AP1B1: variants seen among roughly 807,000 people sequenced by gnomAD.
The protein encoded by AP1B1 is AP-1 complex subunit beta-1.
A neutral mutation model predicts 104.3 loss-of-function variants in AP1B1; 36 were observed. The ratio of observed to expected loss-of-function variants is 0.35; its 90% CI spans 0.26 to 0.46. AP1B1 has a LOEUF of 0.46. Ranked by LOEUF, AP1B1 falls within the 20% of genes least tolerant of loss-of-function variation. The pLI is 1.00. For synonymous variants in AP1B1, 504 were observed against 517.5 expected (o/e 0.97, Z 0.35); for missense variants, 901 against 1,247.9 (o/e 0.72, Z 4.19).
chr22:29,367,542 C>A (rs2062164109), intron 1 of AP1B1, among the ~76,000 whole-genome samples: 1 of 150,928 alleles, frequency 6.6e-6, no homozygotes, highest in African/African-American at 2.5e-5. Flanking sequence ...TCAGCCAATC[C>A]TCCTGCCTCG....
rs772647244 is a variant in AP1B1, at chr22:29,356,528, T to C, written c.614A>G (p.Asn205Ser). 4.3e-6 allele frequency: 7 copies of C among 1,614,144 alleles called. No homozygotes were observed. In the South Asian group the frequency reaches 6.6e-5, roughly 15 times the overall value. ...NLLDLNPQSI[N>S]KLLTALNECT... ...CTCATTGAGGGCTGTCAGCAGCTTG[T>C]TGATGGACTGTGGGTTCAGATCGAG... The change falls in exon 6 of 23, where the codon AAC (asparagine) becomes AGC (serine). Residue 205 changes from asparagine to serine, a missense_variant. Physicochemically the swap from Asn to Ser is conservative, Grantham distance 46 (BLOSUM62 1). Around this residue, in one of 3 missense-constraint regions of AP1B1, gnomAD observed 471 missense variants for 696.7 expected, o/e 0.68. Coordinates refer to ENST00000357586, the MANE Select transcript of AP1B1 (RefSeq NM_001127.4).
intron 19 of AP1B1, 142 bp downstream of exon 19, chr22:29,331,307 G>C: frequency 1.2e-6 from 1 of 852,144 alleles, no homozygotes; most frequent in Non-Finnish European, 2.0e-6. Context: ...CCTCACTCCA[G>C]GCCCTGCAGG....
At chr22:29,337,092 G>C (rs1266064091) in intron 16 of AP1B1, among the ~76,000 whole-genome samples, 2 of 152,202 alleles carry the variant, frequency 1.3e-5, no homozygotes, top group African/African-American at 4.8e-5. Context: ...CCGTGGCCCT[G>C]CTGGCCCTGA....
rs566942536 is a variant in AP1B1 at position 29,334,140 on chromosome 22, A to T, written c.2309+125T>A. On this transcript the variant is annotated intron_variant, in intron 17 of 22. Coordinates refer to ENST00000357586, the MANE Select transcript of AP1B1 (RefSeq NM_001127.4). ...TGAGCGGTGGTGGGGAACATCCTTCAGAAAAGGGGCACTGCCCTCCCCTCT... is the reference window on the plus strand; with the variant it reads ...TGAGCGGTGGTGGGGAACATCCTTCTGAAAAGGGGCACTGCCCTCCCCTCT... The T allele has an allele frequency of 2.9e-5, 32 of 1,085,168 alleles. No individual in the cohort carries two copies. In the African/African-American group the frequency reaches 4.5e-4, roughly 15 times the overall value. 67.2% of individuals were successfully genotyped at this position (1,085,168 alleles called of 1,614,324 possible).
chr22:29,354,788 A>G lies in AP1B1; in HGVS notation c.800T>C (p.Met267Thr). ...LSAVKVLMKF[M>T]EMLSKDLDYY... ...GTCCAAGTCCTTAGACAACATCTCC[A>G]TGAACTTCATCAGCACCTTCACAGC... Residue 267 changes from methionine to threonine, a missense_variant, in exon 7 of 23, where the codon ATG (methionine) becomes ACG (threonine). Met to Thr is a moderately conservative substitution (Grantham distance 81). Around this residue, in one of 3 missense-constraint regions of AP1B1, gnomAD observed 471 missense variants for 696.7 expected, o/e 0.68. Transcript: ENST00000357586. 1 of 1,614,016 alleles carries G rather than the reference A, an allele frequency of 6.2e-7. No homozygotes were observed. The highest frequency in any genetic ancestry group is 8.5e-7 in the Non-Finnish European group (1 of 1,179,968).
intron 11 of AP1B1, among the ~76,000 whole-genome samples, chr22:29,344,514 ATTTTTTTTT>A (rs35466454): frequency 1.5e-4 from 14 of 93,808 alleles, no homozygotes; most frequent in African/African-American, 2.5e-4. Context: ...CCTGGCCAAG[ATTTTTTTTT>A]TTTTTTTTTT....
chr22:29,375,906 C>T (rs900617940), intron 1 of AP1B1, among the ~76,000 whole-genome samples: 2 of 152,216 alleles, frequency 1.3e-5, no homozygotes, highest in African/African-American at 2.4e-5. Context: ...ATCCTCACCA[C>T]GGCCCTTCAG....
At chr22:29,336,295 G>C (rs1404377586) in intron 16 of AP1B1, among the ~76,000 whole-genome samples, 1 of 152,208 alleles carries the variant, frequency 6.6e-6, no homozygotes, top group Non-Finnish European at 1.5e-5. Context: ...TACCTACTGA[G>C]TGATTCTGAA....
intron 16 of AP1B1, among the ~76,000 whole-genome samples, chr22:29,336,051 T>C (rs1404851986): frequency 1.3e-5 from 2 of 152,180 alleles, no homozygotes; most frequent in African/African-American, 2.4e-5. Flanking sequence ...TATGGGTTCA[T>C]GGCATCTCAC....
intron 16 of AP1B1, among the ~76,000 whole-genome samples, chr22:29,337,987 C>G (rs111613546): frequency 1.3e-5 from 2 of 152,208 alleles, no homozygotes; most frequent in African/African-American, 4.8e-5. Context: ...AGAAGAAACG[C>G]TCAGCCTGGC....
At chr22:29,339,922 C>A in intron 14 of AP1B1, 148 bp from the exon 15 acceptor site, 1 of 877,960 alleles carries the variant, frequency 1.1e-6, no homozygotes, top group South Asian at 1.5e-5. Flanking sequence ...GGTGTGAGGT[C>A]TGGCGAGAGG....
intron 1 of AP1B1, among the ~76,000 whole-genome samples, chr22:29,379,351 G>T (rs2062400920): frequency 6.6e-6 from 1 of 152,186 alleles, no homozygotes; most frequent in East Asian, 1.9e-4. Context: ...AGTTCCTCTG[G>T]ACTTGAAAAT....
intron 1 of AP1B1, among the ~76,000 whole-genome samples, chr22:29,379,365 G>A (rs939727930): frequency 2.0e-5 from 3 of 152,146 alleles, no homozygotes; most frequent in Admixed American, 6.6e-5. Flanking sequence ...TGAAAATAAA[G>A]TAAGTAAGGC....
At chr22:29,373,518 C>T (rs1739389245) in intron 1 of AP1B1, among the ~76,000 whole-genome samples, 1 of 151,882 alleles carries the variant, frequency 6.6e-6, no homozygotes, top group Admixed American at 6.6e-5. Flanking sequence ...ATGAAGGGCC[C>T]CTGCAGTAAG....
At chr22:29,343,230 C>T (rs768850302) in intron 11 of AP1B1, among the ~76,000 whole-genome samples, 27 of 152,236 alleles carry the variant, frequency 1.8e-4, no homozygotes, top group Non-Finnish European at 2.4e-4. Flanking sequence ...AAGGGGGCAG[C>T]CTGATGCTCC....
chr22:29,343,617 T>C (rs1424948868), intron 11 of AP1B1, among the ~76,000 whole-genome samples: 1 of 152,226 alleles, frequency 6.6e-6, no homozygotes, highest in Non-Finnish European at 1.5e-5. Flanking sequence ...ACTTCAGGGA[T>C]TCTTGTGAGC....
At chr22:29,360,891 T>C (rs1043355532) in intron 3 of AP1B1, among the ~76,000 whole-genome samples, 4 of 152,164 alleles carry the variant, frequency 2.6e-5, no homozygotes, top group African/African-American at 9.7e-5. Flanking sequence ...CGTGTCAACA[T>C]AGAGACTTAG....
intron 3 of AP1B1, 78 bp downstream of exon 3, chr22:29,362,923 G>A: frequency 1.3e-6 from 1 of 780,484 alleles, no homozygotes; most frequent in Non-Finnish European, 2.3e-6. Context: ...CCCTAAAGGA[G>A]AGACTGAAGT....
chr22:29,371,265 C>T (rs979565956), intron 1 of AP1B1, among the ~76,000 whole-genome samples: 1 of 152,128 alleles, frequency 6.6e-6, no homozygotes, highest in Admixed American at 6.5e-5. Context: ...ATGGAAAAAA[C>T]CCTACAGTTC....
Sources: gnomAD v4.1 joint callset for allele counts (sites outside exome capture counted in the v4.1 genomes callset) on GRCh38, gnomAD v4.1.1 for gene constraint, gnomAD v4.1.1 regional missense constraint, MANE v1.5 for transcripts, NCBI Gene and HGNC (gene_info 2026-07-23, HGNC 2026-07-21) for gene names.